CACNA1C: variants seen among roughly 807,000 people sequenced by gnomAD.
CACNA1C encodes voltage-dependent L-type calcium channel subunit alpha-1C.
Under a neutral mutation model 229.0 loss-of-function variants are expected in CACNA1C, and 30 were observed. The observed-to-expected ratio is 0.13, with a 90% CI of 0.10 to 0.18. The LOEUF (loss-of-function observed/expected upper bound fraction) is 0.18, where lower values mean the gene tolerates loss of function less well. Ranked by LOEUF, CACNA1C falls within the 10% of genes least tolerant of loss-of-function variation. The pLI is 1.00. For missense variants in CACNA1C, 1,658 were observed against 2,845.0 expected, an observed-to-expected ratio of 0.58 and a Z score of 9.49; for synonymous variants, 1,114 against 1,132.5, an observed-to-expected ratio of 0.98 and a Z score of 0.33.
At chr12:2,414,546 C>T (rs545312763) in intron 3 of CACNA1C, among the ~76,000 whole-genome samples, 1 of 152,292 alleles carries the variant, frequency 6.6e-6, no homozygotes, top group East Asian at 1.9e-4. Flanking sequence ...GGCTTCCCAC[C>T]TACCAGTGTC....
intron 3 of CACNA1C, among the ~76,000 whole-genome samples, chr12:2,172,053 C>T (rs2096504082): frequency 1.3e-5 from 2 of 152,122 alleles, no homozygotes; most frequent in South Asian, 2.1e-4. Flanking sequence ...TGCTTTGGAC[C>T]GTGGACAATA....
rs1602989582 is a variant in CACNA1C, at chr12:2,633,899, C to T, written c.3829-398C>T. On this transcript the variant is annotated intron_variant, in intron 29 of 46. Coordinates refer to ENST00000399655, the MANE Select transcript of CACNA1C (RefSeq NM_000719.7). The surrounding 1 kb of genome is among the most constrained non-coding windows in gnomAD (Gnocchi z 5.8). ...TCCTGTGGGGGAAAAAAAGTGGGAG[C>T]TTCTCCTCCTTTTTTTCCATTTACC... is the stretch of plus-strand genomic sequence containing the variant. Among the ~76,000 whole-genome samples the T allele has an allele frequency of 6.6e-6, 1 of 152,158 alleles. No individual in the cohort carries two copies.
chr12:2,348,637 A>G lies in CACNA1C; in HGVS notation c.478-100339A>G, dbSNP rs952055836. Among the ~76,000 whole-genome samples the G allele has an allele frequency of 6.6e-6, 1 of 152,128 alleles. No homozygotes were observed. The highest frequency in any genetic ancestry group is 1.5e-5 in the Non-Finnish European group (1 of 68,034). ...GTCCAGAGAATGTTTGGCATGCTGAATATAAACTCATGCTTCCGTCTGCTG... is the reference window on the plus strand; with the variant it reads ...GTCCAGAGAATGTTTGGCATGCTGAGTATAAACTCATGCTTCCGTCTGCTG... On this transcript the variant is annotated intron_variant, in intron 3 of 46. Coordinates refer to ENST00000399655, the MANE Select transcript of CACNA1C (RefSeq NM_000719.7). The surrounding 1 kb of genome is among the most constrained non-coding windows in gnomAD (Gnocchi z 4.7).
In CACNA1C at chr12:2,479,818, G is replaced by A. The variant is rs1231849685; in HGVS notation, c.758-6286G>A. 3.9e-5 allele frequency among the ~76,000 whole-genome samples: 6 copies of A among 152,230 alleles called. No homozygotes were observed. In the East Asian group the frequency reaches 1.2e-3, roughly 29 times the overall value. Reference sequence around the variant, plus strand: ...ATGTAGAAGGGGTTTTCCCAGGCTTGAGGTTGACTCGCCATTTCTTTTCAT... The same window carrying A: ...ATGTAGAAGGGGTTTTCCCAGGCTTAAGGTTGACTCGCCATTTCTTTTCAT... On this transcript the variant is annotated intron_variant, in intron 5 of 46. Coordinates refer to ENST00000399655, the MANE Select transcript of CACNA1C (RefSeq NM_000719.7). This position sits in a 1 kb window ranked among gnomAD's most constrained non-coding sequence, Gnocchi z 4.3.
chr12:2,239,667 A>G (rs78156660), intron 3 of CACNA1C, among the ~76,000 whole-genome samples: 6,983 of 152,006 alleles, frequency 0.046, 196 homozygotes, highest in Middle Eastern at 0.068. Context: ...CTGGTTTCCA[A>G]TTTTAGCGGT....
intron 3 of CACNA1C, among the ~76,000 whole-genome samples, chr12:2,242,481 G>A (rs2070919287): frequency 1.3e-5 from 2 of 152,196 alleles, no homozygotes; most frequent in Non-Finnish European, 1.5e-5. Flanking sequence ...CCGCTGTTAT[G>A]AGCTCTTCTG....
chr12:2,207,199 G>C (rs2097777983), intron 3 of CACNA1C, among the ~76,000 whole-genome samples: 1 of 152,202 alleles, frequency 6.6e-6, no homozygotes, highest in Non-Finnish European at 1.5e-5. Context: ...GGATAGACCA[G>C]GCTGCTTTCC....
intron 3 of CACNA1C, among the ~76,000 whole-genome samples, chr12:2,129,615 C>G (rs902605988): frequency 6.6e-6 from 1 of 152,130 alleles, no homozygotes; most frequent in African/African-American, 2.4e-5. Context: ...ATACAAATCC[C>G]TGGATCCTTA....
chr12:2,076,495 C>T (rs1446462211), intron 1 of CACNA1C, among the ~76,000 whole-genome samples: 1 of 152,076 alleles, frequency 6.6e-6, no homozygotes, highest in African/African-American at 2.4e-5. Context: ...CGCCTCACTC[C>T]CTCCCTACCT....
intron 9 of CACNA1C, among the ~76,000 whole-genome samples, chr12:2,517,733 TC>T (rs1272097211): frequency 6.6e-6 from 1 of 152,166 alleles, no homozygotes; most frequent in Admixed American, 6.5e-5. Context: ...GTTATTGTCA[TC>T]AGCAGAGATG....
intron 3 of CACNA1C, among the ~76,000 whole-genome samples, chr12:2,294,845 G>A (rs2093876535): frequency 6.6e-6 from 1 of 152,164 alleles, no homozygotes; most frequent in African/African-American, 2.4e-5. Flanking sequence ...TTGGCAGTAG[G>A]TGGGGCAGGG....
At chr12:2,527,402 G>A (rs537979124) in intron 9 of CACNA1C, among the ~76,000 whole-genome samples, 2 of 152,256 alleles carry the variant, frequency 1.3e-5, no homozygotes, top group East Asian at 1.9e-4. Flanking sequence ...TTAATTATTT[G>A]CTTGACAGGC....
intron 3 of CACNA1C, among the ~76,000 whole-genome samples, chr12:2,135,291 C>A (rs1295639403): frequency 2.1e-5 from 3 of 145,970 alleles, no homozygotes; most frequent in African/African-American, 2.6e-5. Flanking sequence ...TTGTCTGAAG[C>A]CTTCTTCTCT....
intron 5 of CACNA1C, among the ~76,000 whole-genome samples, chr12:2,484,902 C>CTT (rs2099691834): frequency 9.0e-6 from 1 of 111,136 alleles, no homozygotes; most frequent in African/African-American, 4.0e-5. Context: ...CAGCTTTTCT[C>CTT]TTCTTTCTTT....
intron 3 of CACNA1C, among the ~76,000 whole-genome samples, chr12:2,175,716 G>A (rs781191042): frequency 7.2e-5 from 11 of 152,168 alleles, no homozygotes; most frequent in East Asian, 1.9e-4. Context: ...TTCCTTTTGC[G>A]TTGAGTAGCT....
At chr12:2,682,212 G>A (rs1429496986) in intron 42 of CACNA1C, among the ~76,000 whole-genome samples, 1 of 152,206 alleles carries the variant, frequency 6.6e-6, no homozygotes, top group African/African-American at 2.4e-5. Flanking sequence ...AGTTAGGCAG[G>A]GCATATGTCA....
intron 3 of CACNA1C, among the ~76,000 whole-genome samples, chr12:2,337,334 T>C (rs183078116): frequency 1.1e-3 from 162 of 152,302 alleles, no homozygotes; most frequent in Non-Finnish European, 1.5e-3. Context: ...CTCCTTTTCC[T>C]TTCCTCCAGA....
chr12:2,260,455 G>T (rs1342846508), intron 3 of CACNA1C, among the ~76,000 whole-genome samples: 3 of 145,106 alleles, frequency 2.1e-5, no homozygotes, highest in Non-Finnish European at 4.5e-5. Context: ...CAGCCTTGGT[G>T]ACAGAGACCC....
At chr12:2,327,170 C>A (rs749406055) in intron 3 of CACNA1C, among the ~76,000 whole-genome samples, 2 of 152,162 alleles carry the variant, frequency 1.3e-5, no homozygotes, top group Admixed American at 6.5e-5. Flanking sequence ...AAATGAACTT[C>A]TATGTTGTTT....
Sources: allele counts gnomAD v4.1 joint callset (sites outside exome capture counted in the v4.1 genomes callset), GRCh38; gene constraint gnomAD v4.1.1; non-coding constraint Gnocchi (gnomAD v3.1); transcripts MANE v1.5; gene names NCBI Gene and HGNC (gene_info 2026-07-23, HGNC 2026-07-21).